SLC25A26: variants seen among roughly 807,000 people sequenced by gnomAD.
SLC25A26 encodes the protein solute carrier family 25 member 26.
SLC25A26 carries 36 observed loss-of-function variants against 37.8 expected under a neutral mutation model. The observed-to-expected ratio is 0.95, with a 90% CI of 0.73 to 1.26. SLC25A26 has a LOEUF of 1.26. Ranked by LOEUF, SLC25A26 falls within the 50% of genes most tolerant of loss-of-function variation. SLC25A26 has a pLI of 0.00. For synonymous variants in SLC25A26, 129 were observed against 122.5 expected, an observed-to-expected ratio of 1.05 and a Z score of -0.35; for missense variants, 390 against 331.1, an observed-to-expected ratio of 1.18 and a Z score of -1.38.
chr3:66,259,701 C>G (rs1312864032), intron 3 of SLC25A26, among the ~76,000 whole-genome samples: 1 of 152,186 alleles, frequency 6.6e-6, no homozygotes, highest in East Asian at 1.9e-4. Flanking sequence ...CTTTTGCCTT[C>G]TGGCTCGTGG....
rs1331214967 is a variant in SLC25A26, at chr3:66,197,653, AAG to A, written c.-353-23086_-353-23085del. Among the ~76,000 whole-genome samples, 107 of 152,188 alleles carry A rather than the reference AAG, an allele frequency of 7.0e-4. 3 individuals carry two copies. The East Asian group carries it at 0.016, about 23-fold the overall frequency. On this transcript the variant is annotated intron_variant, in intron 1 of 10. Coordinates refer to the SLC25A26 transcript ENST00000676754. ...TGAACTTGAGTGTCTGGTTTAGAGA[AAG>A]AGTAGGAATTAGGGGTCAGAGGTGG...
chr3:66,372,025 C>T (rs138503857), intron 9 of SLC25A26, among the ~76,000 whole-genome samples: 3 of 152,198 alleles, frequency 2.0e-5, no homozygotes, highest in East Asian at 3.9e-4. Flanking sequence ...CCCGGGAAGT[C>T]GAGGTTATAG....
chr3:66,288,391 G>A (rs1196655473), intron 5 of SLC25A26, among the ~76,000 whole-genome samples: 1 of 152,114 alleles, frequency 6.6e-6, no homozygotes, highest in Non-Finnish European at 1.5e-5. Flanking sequence ...TGTTACATAG[G>A]TATACATGTG....
intron 1 of SLC25A26, among the ~76,000 whole-genome samples, chr3:66,145,710 T>G (rs887178007): frequency 6.6e-6 from 1 of 152,192 alleles, no homozygotes; most frequent in African/African-American, 2.4e-5. Flanking sequence ...AATTAGAAGG[T>G]GTTCCATCTT....
At chr3:66,348,739 T>C (rs2076383853) in intron 6 of SLC25A26, among the ~76,000 whole-genome samples, 2 of 152,256 alleles carry the variant, frequency 1.3e-5, no homozygotes, top group Admixed American at 1.3e-4. Flanking sequence ...GATCTGATTT[T>C]AAGGCGTAGT....
intron 5 of SLC25A26, among the ~76,000 whole-genome samples, chr3:66,331,237 T>C (rs2075966553): frequency 2.6e-5 from 4 of 152,176 alleles, no homozygotes; most frequent in Admixed American, 2.6e-4. Flanking sequence ...AAGTTATTTT[T>C]TCTTTTACTG....
At chr3:66,197,658 T>C (rs977120802) in intron 1 of SLC25A26, among the ~76,000 whole-genome samples, 2 of 151,214 alleles carry the variant, frequency 1.3e-5, no homozygotes, top group Admixed American at 6.6e-5. Context: ...AGAGAAAGAG[T>C]AGGAATTAGG....
chr3:66,310,413 T>C (rs1429585394), intron 5 of SLC25A26, among the ~76,000 whole-genome samples: 1 of 152,230 alleles, frequency 6.6e-6, no homozygotes, highest in African/African-American at 2.4e-5. Context: ...GATATGGGTC[T>C]CCTGAATACA....
intron 1 of SLC25A26, among the ~76,000 whole-genome samples, chr3:66,155,984 T>C (rs756178112): frequency 1.3e-5 from 2 of 152,112 alleles, no homozygotes; most frequent in Admixed American, 6.6e-5. Context: ...TCTAAAAAAA[T>C]GATGAATGTC....
chr3:66,195,814 A>G (rs2071036397), intron 1 of SLC25A26, among the ~76,000 whole-genome samples: 1 of 152,268 alleles, frequency 6.6e-6, no homozygotes, highest in Non-Finnish European at 1.5e-5. Flanking sequence ...TGACAAAAGA[A>G]ACCTCTATTG....
intron 5 of SLC25A26, among the ~76,000 whole-genome samples, chr3:66,311,024 T>G (rs970013766): frequency 2.0e-5 from 3 of 152,140 alleles, no homozygotes; most frequent in Non-Finnish European, 4.4e-5. Context: ...TTTCCTGAAT[T>G]TGAATGTTGG....
chr3:66,172,410 G>GAAAAAAAAAAAAAAAAAAAAAA (rs1199322248), intron 1 of SLC25A26, among the ~76,000 whole-genome samples: 8 of 75,190 alleles, frequency 1.1e-4, no homozygotes, highest in African/African-American at 2.0e-4. Flanking sequence ...TACCTGTAAA[G>GAAAAAAAAAAAAAAAAAAAAAA]AAAAAAAAAA....
chr3:66,301,131 T>G (rs2075064950), intron 5 of SLC25A26, among the ~76,000 whole-genome samples: 1 of 152,204 alleles, frequency 6.6e-6, no homozygotes. Flanking sequence ...GAATAAAAAA[T>G]AGTAGATCTC....
chr3:66,209,058 A>ACACAAAAAGG (rs2071229995), intron 1 of SLC25A26, among the ~76,000 whole-genome samples: 3 of 24,444 alleles, frequency 1.2e-4, no homozygotes, highest in Admixed American at 7.6e-4. Flanking sequence ...ATATATATAT[A>ACACAAAAAGG]TATATATACA....
Position 66,236,577 on chromosome 3 carries a change from A to C in SLC25A26, c.67A>C (p.Ile23Leu), listed in dbSNP as rs1413962919. ...GGVAGVSVDL[I>L]LFPLDTIKTR... ...GGTAGCAGGTGTTTCTGTTGACTTG[A>C]TATTATTTCCTCTGGATACCATTAA... The change falls in exon 2 of 10, where the codon ATA becomes CTA. Residue 23 changes from isoleucine to leucine, a missense_variant. Coordinates refer to ENST00000354883, the MANE Select transcript of SLC25A26 (RefSeq NM_001379210.1). 3 of 1,474,352 alleles carry C rather than the reference A, an allele frequency of 2.0e-6. No homozygotes were observed. In the African/African-American group the frequency reaches 4.3e-5, roughly 21 times the overall value. The allele number at this position is 1,474,352 out of a possible 1,614,324, so 91.3% of individuals were successfully genotyped here.
rs377730709 is a variant in SLC25A26, at chr3:66,345,845, T to C, written c.454-519T>C. On this transcript the variant is annotated intron_variant, in intron 5 of 9. Transcript: ENST00000354883. ...TTCAGTAGCCAGACTATTGTGCTTC[T>C]GTTTCCATTTCAAAGGGGATTCACA... Among the ~76,000 whole-genome samples, 12 of 152,246 alleles carry C rather than the reference T, an allele frequency of 7.9e-5. 1 individual carries two copies. The highest frequency in any genetic ancestry group is 1.9e-4 in the East Asian group (1 of 5,196).
At chr3:66,347,355 C>A (rs2076350510) in intron 6 of SLC25A26, among the ~76,000 whole-genome samples, 1 of 152,122 alleles carries the variant, frequency 6.6e-6, no homozygotes, top group Non-Finnish European at 1.5e-5. Flanking sequence ...TTCATGCAGG[C>A]AACAAACATA....
chr3:66,242,126 T>TC (rs2072614150), intron 2 of SLC25A26, among the ~76,000 whole-genome samples: 1 of 152,098 alleles, frequency 6.6e-6, no homozygotes, highest in South Asian at 2.1e-4. Context: ...AGCCATAAAG[T>TC]CAGATGAAGT....
intron 1 of SLC25A26, among the ~76,000 whole-genome samples, chr3:66,151,630 C>T: frequency 6.6e-6 from 1 of 152,148 alleles, no homozygotes; most frequent in East Asian, 1.9e-4. Flanking sequence ...AATCCTGCTC[C>T]TTTCTCCATG....
Sources: gnomAD v4.1 joint callset for allele counts (sites outside exome capture counted in the v4.1 genomes callset) on GRCh38, gnomAD v4.1.1 for gene constraint, MANE v1.5 for transcripts, NCBI Gene and HGNC (gene_info 2026-07-23, HGNC 2026-07-21) for gene names.